MAPK8: variants seen among roughly 807,000 people sequenced by gnomAD.
The protein encoded by MAPK8 is JUN N-terminal kinase.
MAPK8 carries 13 observed loss-of-function variants against 52.9 expected under a neutral mutation model. The observed-to-expected ratio is 0.25, with a 90% CI of 0.16 to 0.39. The LOEUF (loss-of-function observed/expected upper bound fraction) is 0.39, where lower values mean the gene tolerates loss of function less well. Ranked by LOEUF, MAPK8 falls within the 10% of genes least tolerant of loss-of-function variation. The pLI is 1.00. For missense variants in MAPK8, 300 were observed against 519.2 expected (o/e 0.58, Z 4.10); for synonymous variants, 191 against 169.8 (o/e 1.12, Z -0.97).
intron 1 of MAPK8, among the ~76,000 whole-genome samples, chr10:48,307,825 C>T (rs1696637262): frequency 6.6e-6 from 1 of 152,136 alleles, no homozygotes; most frequent in African/African-American, 2.4e-5. Context: ...TTCATTCATT[C>T]AGCAGCTGTT....
intron 1 of MAPK8, among the ~76,000 whole-genome samples, chr10:48,379,382 G>T (rs1311499661): frequency 6.6e-6 from 1 of 152,174 alleles, no homozygotes; most frequent in Admixed American, 6.5e-5. Flanking sequence ...TGCTGTTCCA[G>T]TTAAACCTTG....
intron 3 of MAPK8, among the ~76,000 whole-genome samples, chr10:48,406,278 C>A (rs754520338): frequency 2.0e-5 from 3 of 152,194 alleles, no homozygotes; most frequent in Non-Finnish European, 2.9e-5. Context: ...TGATGTGTTG[C>A]TCATCACAGT....
At chr10:48,354,605 A>C (rs532349863) in intron 1 of MAPK8, among the ~76,000 whole-genome samples, 2 of 152,264 alleles carry the variant, frequency 1.3e-5, no homozygotes, top group South Asian at 4.2e-4. Flanking sequence ...AGACTTTTAA[A>C]ATTTGTACCT....
intron 1 of MAPK8, among the ~76,000 whole-genome samples, chr10:48,358,311 A>T (rs1238609409): frequency 6.6e-6 from 1 of 152,220 alleles, no homozygotes; most frequent in African/African-American, 2.4e-5. Flanking sequence ...AATTATCCAC[A>T]TCGTGGTCAG....
intron 2 of MAPK8, among the ~76,000 whole-genome samples, chr10:48,403,632 C>G (rs2042277029): frequency 6.6e-6 from 1 of 152,090 alleles, no homozygotes; most frequent in African/African-American, 2.4e-5. Flanking sequence ...TCATTGTAAC[C>G]AACCACATTT....
chr10:48,384,026 G>T (rs2041166528), intron 1 of MAPK8, among the ~76,000 whole-genome samples: 1 of 152,168 alleles, frequency 6.6e-6, no homozygotes, highest in African/African-American at 2.4e-5. Context: ...GGAGGCCAAG[G>T]CAGGTGGATC....
intron 1 of MAPK8, among the ~76,000 whole-genome samples, chr10:48,342,129 A>T (rs1385590509): frequency 1.3e-5 from 2 of 152,192 alleles, no homozygotes; most frequent in Non-Finnish European, 2.9e-5. Context: ...ATTTATTGAG[A>T]CGGGGTCTCT....
chr10:48,412,412 A>G (rs1200317358), intron 5 of MAPK8, among the ~76,000 whole-genome samples: 1 of 152,232 alleles, frequency 6.6e-6, no homozygotes, highest in African/African-American at 2.4e-5. Flanking sequence ...GAAGGAAGCT[A>G]AAAAGAAAAA....
At chr10:48,388,007 T>C (rs1252422017) in intron 1 of MAPK8, among the ~76,000 whole-genome samples, 1 of 152,178 alleles carries the variant, frequency 6.6e-6, no homozygotes, top group Non-Finnish European at 1.5e-5. Flanking sequence ...TCTTGAGCAT[T>C]AATTCTTACA....
chr10:48,415,182 C>T (rs897514469), intron 5 of MAPK8, among the ~76,000 whole-genome samples: 1 of 152,106 alleles, frequency 6.6e-6, no homozygotes, highest in Non-Finnish European at 1.5e-5. Context: ...AGTATTTTAT[C>T]TTCCTGAGCC....
intron 1 of MAPK8, among the ~76,000 whole-genome samples, chr10:48,384,206 C>A (rs1380861955): frequency 6.6e-6 from 1 of 152,158 alleles, no homozygotes; most frequent in African/African-American, 2.4e-5. Context: ...GAGCCGAGAT[C>A]ACGCTAGTGC....
chr10:48,332,391 T>C (rs1293586151), intron 1 of MAPK8, among the ~76,000 whole-genome samples: 1 of 152,216 alleles, frequency 6.6e-6, no homozygotes, highest in Admixed American at 6.5e-5. Context: ...ACCCATACCC[T>C]GTTGCATCAT....
chr10:48,411,072 G>T (rs368176402), intron 5 of MAPK8, among the ~76,000 whole-genome samples: 1 of 152,074 alleles, frequency 6.6e-6, no homozygotes, highest in African/African-American at 2.4e-5. Context: ...CCATTCTGTA[G>T]GTTGTCTGTT....
chr10:48,351,168 TATC>T (rs1408365825), intron 1 of MAPK8, among the ~76,000 whole-genome samples: 5 of 152,020 alleles, frequency 3.3e-5, no homozygotes, highest in South Asian at 2.1e-4. Flanking sequence ...GAAGAATCAA[TATC>T]ATGAAAATGA....
At chr10:48,368,396 G>A (rs1234808681) in intron 1 of MAPK8, among the ~76,000 whole-genome samples, 3 of 152,226 alleles carry the variant, frequency 2.0e-5, no homozygotes, top group African/African-American at 4.8e-5. Flanking sequence ...TGGGGTTAGA[G>A]TGTGTTACAG....
intron 5 of MAPK8, among the ~76,000 whole-genome samples, chr10:48,411,653 G>A (rs1336521953): frequency 6.6e-6 from 1 of 152,128 alleles, no homozygotes; most frequent in Non-Finnish European, 1.5e-5. Flanking sequence ...TGCAGAAAGG[G>A]CAATTAGAAT....
At chr10:48,323,324 T>G (rs921238368) in intron 1 of MAPK8, among the ~76,000 whole-genome samples, 1 of 152,176 alleles carries the variant, frequency 6.6e-6, no homozygotes, top group Non-Finnish European at 1.5e-5. Context: ...CTAGGTATTG[T>G]GGGGGTGGCT....
intron 2 of MAPK8, 36 bp downstream of exon 2, chr10:48,401,818 A>G: frequency 7.3e-7 from 1 of 1,377,684 alleles, no homozygotes; most frequent in Non-Finnish European, 9.5e-7. Flanking sequence ...GCAAAGAATC[A>G]TTAACTGCTA....
intron 1 of MAPK8, among the ~76,000 whole-genome samples, chr10:48,331,401 C>T (rs1170930955): frequency 6.6e-6 from 1 of 152,182 alleles, no homozygotes; most frequent in African/African-American, 2.4e-5. Context: ...ATATTAACTT[C>T]GAGAAATGGG....
Sources: gnomAD v4.1 joint callset for allele counts (sites outside exome capture counted in the v4.1 genomes callset) on GRCh38, gnomAD v4.1.1 for gene constraint, MANE v1.5 for transcripts, NCBI Gene and HGNC (gene_info 2026-07-23, HGNC 2026-07-21) for gene names.